MAP2K6: variants seen among roughly 807,000 people sequenced by gnomAD.
MAP2K6 encodes dual specificity mitogen-activated protein kinase kinase 6.
MAP2K6 carries 16 observed loss-of-function variants against 53.7 expected under a neutral mutation model. That is an observed-to-expected ratio of 0.30 (90% CI 0.20 to 0.45). The LOEUF is 0.45. MAP2K6 is among the 20% of genes least tolerant of loss of function. MAP2K6 has a pLI of 1.00. For synonymous variants in MAP2K6, 132 were observed against 143.1 expected (o/e 0.92, Z 0.55); for missense variants, 204 against 411.9 (o/e 0.50, Z 4.37).
chr17:69,516,776 C>A, intron 2 of MAP2K6, 79 bp from the exon 3 acceptor site: 1 of 989,082 alleles, frequency 1.0e-6, no homozygotes, highest in Non-Finnish European at 1.5e-6. Context: ...GAAAAAATAT[C>A]CTCAGTGGTG....
intron 1 of MAP2K6, among the ~76,000 whole-genome samples, chr17:69,464,444 C>G (rs1184163225): frequency 6.6e-6 from 1 of 152,036 alleles, no homozygotes; most frequent in African/African-American, 2.4e-5. Flanking sequence ...TGCAGAGGCA[C>G]GATTTCAGCT....
chr17:69,439,354 ATCTC>A (rs1180153288), intron 1 of MAP2K6, among the ~76,000 whole-genome samples: 1 of 152,120 alleles, frequency 6.6e-6, no homozygotes, highest in Non-Finnish European at 1.5e-5. Context: ...CTGACTTCCC[ATCTC>A]TCTCTCTGTA....
At chr17:69,513,225 G>A (rs984822664) in intron 2 of MAP2K6, among the ~76,000 whole-genome samples, 1 of 152,294 alleles carries the variant, frequency 6.6e-6, no homozygotes, top group Non-Finnish European at 1.5e-5. Context: ...AGGGCCTGCG[G>A]CACAGGCGAA....
chr17:69,526,717 A>G lies in MAP2K6; in HGVS notation c.881+8A>G, dbSNP rs927330563. On this transcript the variant is annotated splice_region_variant and intron_variant, in intron 10 of 11. Transcript: ENST00000590474. ...TGACTTTACCTCACAGTGGTAAGAC[A>G]GCCTCACCTCCCAAGTGTCAGTGTG... 2.5e-6 allele frequency: 4 copies of G among 1,610,402 alleles called. No homozygotes were observed. In the Admixed American group the frequency reaches 5.0e-5, roughly 20 times the overall value.
intron 1 of MAP2K6, among the ~76,000 whole-genome samples, chr17:69,451,011 A>C (rs1907206400): frequency 6.6e-6 from 1 of 152,188 alleles, no homozygotes; most frequent in Non-Finnish European, 1.5e-5. Flanking sequence ...GTAGGTTTGC[A>C]TGAGTCAGAC....
At chr17:69,491,718 T>A (rs1908758912) in intron 1 of MAP2K6, among the ~76,000 whole-genome samples, 1 of 122,268 alleles carries the variant, frequency 8.2e-6, no homozygotes, top group African/African-American at 3.7e-5. Context: ...CTCTGCAACC[T>A]CGCTGGCATC....
intron 1 of MAP2K6, among the ~76,000 whole-genome samples, chr17:69,432,827 A>G (rs1906510450): frequency 7.1e-6 from 1 of 140,178 alleles, no homozygotes; most frequent in South Asian, 2.2e-4. Flanking sequence ...AAAAAAAAAA[A>G]GGATCTTGGT....
intron 1 of MAP2K6, among the ~76,000 whole-genome samples, chr17:69,423,405 C>T (rs755692277): frequency 6.6e-6 from 1 of 152,176 alleles, no homozygotes; most frequent in Non-Finnish European, 1.5e-5. Flanking sequence ...TGAGTAGTTG[C>T]GCCAGAGCCC....
At chr17:69,449,862 C>T (rs983908308) in intron 1 of MAP2K6, among the ~76,000 whole-genome samples, 29 of 151,828 alleles carry the variant, frequency 1.9e-4, no homozygotes, top group African/African-American at 6.5e-4. Context: ...ATCCGCCCGC[C>T]TCGGCTTCCC....
At chr17:69,424,280 G>C (rs1252000599) in intron 1 of MAP2K6, among the ~76,000 whole-genome samples, 1 of 152,184 alleles carries the variant, frequency 6.6e-6, no homozygotes, top group Non-Finnish European at 1.5e-5. Context: ...AGACAGAGGA[G>C]CTTTGGTAGA....
In MAP2K6 at chr17:69,414,720, C is replaced by G. The variant is rs1205915949; in HGVS notation, c.-265C>G. On this transcript the variant is annotated 5_prime_UTR_variant, in exon 1 of 12. Transcript: ENST00000590474. Reference sequence around the variant, plus strand: ...TCAGTTCCAAGTTTGGAGCTTTTAGCTGCCAGCCCTGGCCCATCATGTAGC... The same window carrying G: ...TCAGTTCCAAGTTTGGAGCTTTTAGGTGCCAGCCCTGGCCCATCATGTAGC... The G allele has an allele frequency of 7.2e-6, 3 of 419,240 alleles. No homozygotes were observed. Among genetic ancestry groups the G allele is most frequent in the South Asian group, 3.7e-5 (1 of 27,216 alleles). The allele number at this position is 419,240 out of a possible 1,614,324, so 26.0% of individuals were successfully genotyped here. A position where few individuals can be genotyped will look rare whatever the true frequency, so the allele number is the denominator to read the frequency against.
chr17:69,453,602 C>CAT (rs1367555893), intron 1 of MAP2K6, among the ~76,000 whole-genome samples: 1 of 152,168 alleles, frequency 6.6e-6, no homozygotes, highest in Non-Finnish European at 1.5e-5. Flanking sequence ...CATATGTATG[C>CAT]ATATATATTT....
At chr17:69,530,976 G>A (rs1567858123) in intron 10 of MAP2K6, among the ~76,000 whole-genome samples, 1 of 151,884 alleles carries the variant, frequency 6.6e-6, no homozygotes. Context: ...CCCTGTGCAC[G>A]TAACTCCCCT....
At position 69,420,602 on chromosome 17, in the gene MAP2K6, T is replaced by C. The variant is rs562899687; in HGVS notation, c.16+5602T>C. 5.9e-5 allele frequency among the ~76,000 whole-genome samples: 9 copies of C among 152,332 alleles called. No individual in the cohort carries two copies. In the East Asian group the frequency reaches 1.7e-3, roughly 29 times the overall value. ...CACTTCATTTTACACATAAGCTAAC[T>C]GAGGCCTTGGAAGTGAGTGACTTTC... On this transcript the variant is annotated intron_variant, in intron 1 of 11. Transcript: ENST00000590474.
intron 1 of MAP2K6, among the ~76,000 whole-genome samples, chr17:69,488,841 A>G (rs1417032186): frequency 1.3e-5 from 2 of 152,168 alleles, no homozygotes; most frequent in East Asian, 1.9e-4. Context: ...TGATGAGATC[A>G]GTCCAAACCT....
At chr17:69,492,453 A>G (rs1908788422) in intron 1 of MAP2K6, among the ~76,000 whole-genome samples, 1 of 152,114 alleles carries the variant, frequency 6.6e-6, no homozygotes, top group African/African-American at 2.4e-5. Context: ...CGAAGATCAG[A>G]TGGTTGTAGG....
At chr17:69,416,654 A>C (rs1905911360) in intron 1 of MAP2K6, among the ~76,000 whole-genome samples, 1 of 146,418 alleles carries the variant, frequency 6.8e-6, no homozygotes, top group Admixed American at 6.8e-5. Context: ...TTAGGGACAC[A>C]CAAAAATATT....
chr17:69,536,151 A>G lies in MAP2K6; in HGVS notation c.918A>G (p.Pro306=). 1 of 1,611,528 alleles carries G rather than the reference A, an allele frequency of 6.2e-7. No homozygotes were observed. The highest frequency in any genetic ancestry group is 1.1e-5 in the South Asian group (1 of 90,796). The part of the protein sequence containing the change: ...KKNSKERPTY[P]ELMQHPFFTL... The stretch of plus-strand genomic sequence containing the variant: ...ATTCCAAAGAACGGCCTACATACCC[A>G]GAGCTAATGGTGAGTATTGTTAGCA... Residue 306 remains proline (P), a synonymous_variant, in exon 11 of 12, where the codon CCA becomes CCG. Coordinates refer to ENST00000590474, the MANE Select transcript of MAP2K6 (RefSeq NM_002758.4).
At chr17:69,514,204 A>G (rs1317785718) in intron 2 of MAP2K6, among the ~76,000 whole-genome samples, 4 of 152,212 alleles carry the variant, frequency 2.6e-5, no homozygotes, top group South Asian at 4.1e-4. Context: ...CCTTTATTTC[A>G]AAGTGCCATT....
Sources: gnomAD v4.1 joint callset for allele counts (sites outside exome capture counted in the v4.1 genomes callset) on GRCh38, gnomAD v4.1.1 for gene constraint, MANE v1.5 for transcripts, NCBI Gene and HGNC (gene_info 2026-07-23, HGNC 2026-07-21) for gene names.